SLC66A1: variants seen among roughly 807,000 people sequenced by gnomAD.
The protein encoded by SLC66A1 is lysosomal amino acid transporter 1 homolog.
Under a neutral mutation model 33.0 loss-of-function variants are expected in SLC66A1, and 23 were observed. The observed-to-expected ratio is 0.70, with a 90% CI of 0.50 to 0.99. The LOEUF (loss-of-function observed/expected upper bound fraction) is 0.99, where lower values mean the gene tolerates loss of function less well. Among genes scored for constraint, SLC66A1 ranks in the 50% least tolerant of loss-of-function variants. The pLI is 0.00. For missense variants in SLC66A1, 335 were observed against 383.6 expected, an observed-to-expected ratio of 0.87 and a Z score of 1.06; for synonymous variants, 164 against 175.5, an observed-to-expected ratio of 0.93 and a Z score of 0.52.
chr1:19,333,898 TCAAA>T (rs1256655120), downstream of SLC66A1, among the ~76,000 whole-genome samples: 4 of 111,348 alleles, frequency 3.6e-5, no homozygotes, highest in East Asian at 2.4e-4. This position sits in a 1 kb window ranked among gnomAD's most constrained non-coding sequence, Gnocchi z 4.2. Flanking sequence ...AGACCTTGTC[TCAAA>T]CAAAACAAAA....
rs2093869897 is a variant in SLC66A1 at position 19,326,756 on chromosome 1, T to C, written c.618+133T>C. On this transcript the variant is annotated intron_variant, in intron 6 of 7. Coordinates refer to ENST00000375153, the MANE Select transcript of SLC66A1 (RefSeq NM_001040125.2). ...AGTCTGGTCTACTCCCGCTGTTGGC[T>C]TGGGCAAGTTAATCCAATCTCCGAG... The C allele has an allele frequency of 3.1e-6, 3 of 971,096 alleles. No individual in the cohort carries two copies. The South Asian group carries it at 4.7e-5, about 15-fold the overall frequency. The allele number at this position is 971,096 out of a possible 1,614,324, so 60.2% of individuals were successfully genotyped here.
chr1:19,317,694 T>A lies in SLC66A1; in HGVS notation c.17T>A (p.Leu6Gln). 1 of 1,614,096 alleles carries A rather than the reference T, an allele frequency of 6.2e-7. No individual in the cohort carries two copies. Among genetic ancestry groups the A allele is most frequent in the South Asian group, 1.1e-5 (1 of 91,082 alleles). The change falls in exon 2 of 8, where the codon CTG (leucine) becomes CAG (glutamine). Residue 6 changes from leucine to glutamine, a missense_variant. By Grantham distance (113) the Leu-to-Gln change is moderately radical (BLOSUM62 -2). Coordinates refer to ENST00000375153, the MANE Select transcript of SLC66A1 (RefSeq NM_001040125.2). MVWKK[L>Q]GSRNFSSCPS... Reference sequence around the variant, plus strand: ...TCCACAGCCATGGTCTGGAAGAAACTGGGCTCCCGCAACTTCTCCAGCTGC... The same window carrying A: ...TCCACAGCCATGGTCTGGAAGAAACAGGGCTCCCGCAACTTCTCCAGCTGC...
At chr1:19,325,640 GGGGGGGGCGCCTGGAGT>G in intron 4 of SLC66A1, 58 bp downstream of exon 4, 1 of 1,166,856 alleles carries the variant, frequency 8.6e-7, no homozygotes, top group Non-Finnish European at 1.2e-6. Flanking sequence ...GGCAGTTGTG[GGGGGGGGCGCCTGGAGT>G]GTGGGAGGAA....
chr1:19,323,383 TTTAG>T (rs3838434), intron 2 of SLC66A1, among the ~76,000 whole-genome samples: 2,319 of 151,968 alleles, frequency 0.015, 61 homozygotes, highest in East Asian at 0.13. Flanking sequence ...TGAGCTGCCA[TTTAG>T]TTAGTTAGTT....
intron 1 of SLC66A1, among the ~76,000 whole-genome samples, chr1:19,313,596 TGA>T (rs3834768): frequency 0.24 from 36,949 of 152,020 alleles, 4,841 homozygotes; most frequent in Middle Eastern, 0.34. Context: ...AATTTAGAAG[TGA>T]GTCTTCTTAT....
chr1:19,321,683 C>T (rs2093838445), intron 2 of SLC66A1, among the ~76,000 whole-genome samples: 1 of 149,648 alleles, frequency 6.7e-6, no homozygotes, highest in South Asian at 2.1e-4. Flanking sequence ...TCTCCTACCT[C>T]AGCCTCCTGA....
chr1:19,323,341 T>C (rs2093847121), intron 2 of SLC66A1, among the ~76,000 whole-genome samples: 1 of 152,168 alleles, frequency 6.6e-6, no homozygotes, highest in Admixed American at 6.5e-5. Context: ...GAATGCCGGT[T>C]TCTTAGTTTC....
downstream of SLC66A1, among the ~76,000 whole-genome samples, chr1:19,329,470 G>T (rs214317): frequency 2.3e-3 from 354 of 152,190 alleles, 3 homozygotes; most frequent in African/African-American, 8.4e-3. Context: ...CTGCTTCTCC[G>T]GGCCCTTTCC....
In SLC66A1 at chr1:19,328,439, G is replaced by T. The variant is rs914715114; in HGVS notation, c.805-133G>T. On this transcript the variant is annotated intron_variant, in intron 7 of 7. Coordinates refer to ENST00000375153, the MANE Select transcript of SLC66A1 (RefSeq NM_001040125.2). The surrounding 1 kb of genome is among the most constrained non-coding windows in gnomAD (Gnocchi z 4.7). ...GCTAAGGTAGCGGCTGGGAGGTTAT[G>T]GCTGGCCCTTCCCACCTGCAGCGTG... 8.7e-6 allele frequency: 7 copies of T among 802,872 alleles called. No homozygotes were observed. Among genetic ancestry groups the T allele is most frequent in the Non-Finnish European group, 1.2e-5 (6 of 481,408 alleles). 49.7% of individuals were successfully genotyped at this position (802,872 alleles called of 1,614,324 possible).
intron 1 of SLC66A1, among the ~76,000 whole-genome samples, chr1:19,315,872 T>G (rs2093802428): frequency 6.6e-6 from 1 of 152,204 alleles, no homozygotes; most frequent in South Asian, 2.1e-4. Flanking sequence ...GTTTCCTGGC[T>G]GGGTGGCGCT....
At chr1:19,330,030 C>G (rs890547192), downstream of SLC66A1, among the ~76,000 whole-genome samples, 1 of 152,118 alleles carries the variant, frequency 6.6e-6, no homozygotes, top group East Asian at 1.9e-4. Context: ...TACAGTGGTG[C>G]GATCATAGCT....
chr1:19,327,230 C>G lies in SLC66A1; in HGVS notation c.622C>G (p.Leu208Val). The G allele has an allele frequency of 1.2e-6, 2 of 1,613,332 alleles. No homozygotes were observed. The highest frequency in any genetic ancestry group is 1.7e-6 in the Non-Finnish European group (2 of 1,179,440). The part of the protein sequence containing the change: ...SRLPQIRTNF[L>V]RKSTQGISYS... Reference sequence around the variant, plus strand: ...ACCTGACCTCCTCCTGCCCCAGTTCCTCCGGAAGTCCACCCAGGGGATCTC... The same window carrying G: ...ACCTGACCTCCTCCTGCCCCAGTTCGTCCGGAAGTCCACCCAGGGGATCTC... Residue 208 changes from leucine (L) to valine (V), a missense_variant, in exon 7 of 8, where the codon CTC becomes GTC. Coordinates refer to ENST00000375153, the MANE Select transcript of SLC66A1 (RefSeq NM_001040125.2).
At chr1:19,330,268 G>A (rs1175313408), downstream of SLC66A1, among the ~76,000 whole-genome samples, 2 of 152,182 alleles carry the variant, frequency 1.3e-5, no homozygotes, top group Non-Finnish European at 2.9e-5. Flanking sequence ...CCAGAACCAG[G>A]GACTTGGGGT....
chr1:19,319,901 CTCT>C (rs2152003162), intron 2 of SLC66A1, among the ~76,000 whole-genome samples: 1 of 149,804 alleles, frequency 6.7e-6, no homozygotes, highest in Non-Finnish European at 1.5e-5. Context: ...GAGTCTCCGT[CTCT>C]TTTCTTTTTG....
rs2093781763 is a variant in SLC66A1 at position 19,312,449 on chromosome 1, G to A, written c.-519G>A. On this transcript the variant is annotated 5_prime_UTR_variant, in exon 1 of 8. Coordinates refer to ENST00000375153, the MANE Select transcript of SLC66A1 (RefSeq NM_001040125.2). ...CCACATCCTTCCAGCCCTCTCCTCCGGCCGCTGGACTGTCCCGGCTCCTGC... is the reference window on the plus strand; with the variant it reads ...CCACATCCTTCCAGCCCTCTCCTCCAGCCGCTGGACTGTCCCGGCTCCTGC... The A allele has an allele frequency of 5.6e-6, 1 of 180,092 alleles. No individual in the cohort carries two copies. Among genetic ancestry groups the A allele is most frequent in the African/African-American group, 2.4e-5 (1 of 42,476 alleles). The allele number at this position is 180,092 out of a possible 1,614,324, so 11.2% of individuals were successfully genotyped here. A position where few individuals can be genotyped will look rare whatever the true frequency, so the allele number is the denominator to read the frequency against.
At chr1:19,332,356 C>T (rs2093894978), downstream of SLC66A1, among the ~76,000 whole-genome samples, 1 of 152,164 alleles carries the variant, frequency 6.6e-6, no homozygotes, top group Admixed American at 6.6e-5. Context: ...AAGATGAGCA[C>T]GGAGGCTCGT....
downstream of SLC66A1, among the ~76,000 whole-genome samples, chr1:19,330,964 A>T (rs994578989): frequency 6.6e-6 from 1 of 152,162 alleles, no homozygotes; most frequent in African/African-American, 2.4e-5. Context: ...GCCGCCTGCC[A>T]TCAGTGCACG....
In SLC66A1 at chr1:19,328,645, C is replaced by G; in HGVS notation, c.*2C>G. The G allele has an allele frequency of 6.2e-7, 1 of 1,613,574 alleles. No homozygotes were observed. The highest frequency in any genetic ancestry group is 8.5e-7 in the Non-Finnish European group (1 of 1,179,826). On this transcript the variant is annotated 3_prime_UTR_variant, in exon 8 of 8. Coordinates refer to ENST00000375153, the MANE Select transcript of SLC66A1 (RefSeq NM_001040125.2). The surrounding 1 kb of genome is among the most constrained non-coding windows in gnomAD (Gnocchi z 4.7). ...CTTGAGCCCCTCCTCCCCAGCTGACCAGAACCAGGCTGAGCGCAGGAGGAC... is the reference window on the plus strand; with the variant it reads ...CTTGAGCCCCTCCTCCCCAGCTGACGAGAACCAGGCTGAGCGCAGGAGGAC...
rs1569799238 is a variant in SLC66A1, at chr1:19,326,739, C to A, written c.618+116C>A. 38 of 1,097,080 alleles carry A rather than the reference C, an allele frequency of 3.5e-5. No individual in the cohort carries two copies. In the East Asian group the frequency reaches 9.2e-4, roughly 27 times the overall value. 68.0% of individuals were successfully genotyped at this position (1,097,080 alleles called of 1,614,324 possible). On this transcript the variant is annotated intron_variant, in intron 6 of 7. Transcript: ENST00000375153. ...GGAGCCTTGGTTCAGAAAGTCTGGT[C>A]TACTCCCGCTGTTGGCTTGGGCAAG...
Sources: allele counts gnomAD v4.1 joint callset (sites outside exome capture counted in the v4.1 genomes callset), GRCh38; gene constraint gnomAD v4.1.1; non-coding constraint Gnocchi (gnomAD v3.1); transcripts MANE v1.5; gene names NCBI Gene and HGNC (gene_info 2026-07-23, HGNC 2026-07-21).